TRIM27: variants seen among roughly 807,000 people sequenced by gnomAD.
The protein encoded by TRIM27 is tripartite motif containing 27.
In TRIM27, 12 loss-of-function variants were observed where a neutral mutation model predicts 57.6. The observed-to-expected ratio is 0.21, with a 90% CI of 0.13 to 0.34. The LOEUF is 0.34. Ranked by LOEUF, TRIM27 falls within the 10% of genes least tolerant of loss-of-function variation. The pLI, the probability that TRIM27 is intolerant of heterozygous loss-of-function variation, is 1.00. For missense variants in TRIM27, 403 were observed against 656.8 expected, an observed-to-expected ratio of 0.61 and a Z score of 4.22; for synonymous variants, 266 against 259.0, an observed-to-expected ratio of 1.03 and a Z score of -0.26.
intron 6 of TRIM27, 21 bp downstream of exon 6, chr6:28,908,787 C>G (rs1772963456): frequency 6.2e-7 from 1 of 1,612,698 alleles, no homozygotes; most frequent in African/African-American, 1.3e-5. Flanking sequence ...CATCAAAAGC[C>G]CAGTAGGTAG....
intron 1 of TRIM27, 75 bp from the exon 2 acceptor site, chr6:28,922,062 A>G (rs1774085130): frequency 2.7e-6 from 3 of 1,116,458 alleles, no homozygotes; most frequent in Admixed American, 1.7e-5. Flanking sequence ...CTTATCACAC[A>G]TGGAGTCCAC....
Position 28,923,905 on chromosome 6 carries a change from C to G in TRIM27, c.-273G>C. 1 of 450,838 alleles carries G rather than the reference C, an allele frequency of 2.2e-6. No homozygotes were observed. The highest frequency in any genetic ancestry group is 4.7e-5 in the South Asian group (1 of 21,106). The allele number at this position is 450,838 out of a possible 1,614,324, so 27.9% of individuals were successfully genotyped here. A position where few individuals can be genotyped will look rare whatever the true frequency, so the allele number is the denominator to read the frequency against. ...CGCTAGTGGGGCAGGAAAGGGTAGC[C>G]GAGGGTCAGAGTCCCAGGGCCAGGC... On this transcript the variant is annotated 5_prime_UTR_variant, in exon 1 of 8. Coordinates refer to ENST00000377199, the MANE Select transcript of TRIM27 (RefSeq NM_006510.5).
intron 7 of TRIM27, chr6:28,905,759 T>A (rs1441350812): frequency 6.6e-6 from 1 of 152,258 alleles, no homozygotes; most frequent in Non-Finnish European, 1.5e-5. Context: ...TCTATTCATC[T>A]TCTTCTAATG....
chr6:28,910,550 G>A (rs1158415550), intron 4 of TRIM27, among the ~76,000 whole-genome samples: 7 of 152,132 alleles, frequency 4.6e-5, no homozygotes, highest in Admixed American at 6.5e-5. Flanking sequence ...GGCTGGTCTC[G>A]AACTCCTGAC....
In TRIM27 at chr6:28,904,786, AT is replaced by A; in HGVS notation, c.947-122del. 1 of 669,166 alleles carries A rather than the reference AT, an allele frequency of 1.5e-6. No individual in the cohort carries two copies. Among genetic ancestry groups the A allele is most frequent in the Non-Finnish European group, 2.5e-6 (1 of 403,598 alleles). 41.5% of individuals were successfully genotyped at this position (669,166 alleles called of 1,614,324 possible). Reference sequence around the variant, plus strand: ...TCCCACTGGAGGTTGCACGTATTTTATTTAGAATATATTCTAAACTTCACAT... The same window carrying A: ...TCCCACTGGAGGTTGCACGTATTTTATTAGAATATATTCTAAACTTCACAT... On this transcript the variant is annotated intron_variant, in intron 7 of 7. Coordinates refer to ENST00000377199, the MANE Select transcript of TRIM27 (RefSeq NM_006510.5). This position sits in a 1 kb window ranked among gnomAD's most constrained non-coding sequence, Gnocchi z 6.1.
In TRIM27 at chr6:28,904,307, C is replaced by T. The variant is rs1383579782; in HGVS notation, c.1305G>A (p.Arg435=). ...TALPLRTPLQ[R]VGIFLDYDAG... ...CATCATAGTCCAAGAAAATCCCCACCCGCTGGAGCGGGGTCCGCAGGGGTA... is the reference window on the plus strand; with the variant it reads ...CATCATAGTCCAAGAAAATCCCCACTCGCTGGAGCGGGGTCCGCAGGGGTA... Residue 435 remains arginine, a synonymous_variant, in exon 8 of 8, where the codon CGG becomes CGA. Coordinates refer to ENST00000377199, the MANE Select transcript of TRIM27 (RefSeq NM_006510.5). The surrounding 1 kb of genome is among the most constrained non-coding windows in gnomAD (Gnocchi z 6.1). The T allele has an allele frequency of 1.9e-6, 3 of 1,612,926 alleles. No homozygotes were observed. Among genetic ancestry groups the T allele is most frequent in the Non-Finnish European group, 8.5e-7 (1 of 1,180,008 alleles).
At chr6:28,919,498 T>C (rs1773865832) in intron 3 of TRIM27, among the ~76,000 whole-genome samples, 1 of 152,206 alleles carries the variant, frequency 6.6e-6, no homozygotes, top group Non-Finnish European at 1.5e-5. Context: ...TCATTTCCTG[T>C]AGTCTTGCCG....
intron 3 of TRIM27, among the ~76,000 whole-genome samples, chr6:28,914,439 C>T (rs1773450722): frequency 6.6e-6 from 1 of 151,466 alleles, no homozygotes; most frequent in Admixed American, 6.6e-5. Context: ...CCGGCCTATC[C>T]CATAAAAATA....
At chr6:28,907,963 TTA>T in intron 6 of TRIM27, 1 of 179,818 alleles carries the variant, frequency 5.6e-6, no homozygotes, top group South Asian at 1.8e-4. Context: ...AAATAGAAAA[TTA>T]TCAAAGATTG....
rs1252445115 is a variant in TRIM27, at chr6:28,923,610, T to A, written c.23A>T (p.Glu8Val). The A allele has an allele frequency of 6.3e-7, 1 of 1,593,800 alleles. No individual in the cohort carries two copies. Among genetic ancestry groups the A allele is most frequent in the African/African-American group, 1.3e-5 (1 of 74,538 alleles). Reference protein sequence around the residue: MASGSVAECLQQETTCPV... With the variant: MASGSVAVCLQQETTCPV... ...GCAGGTGGTCTCCTGCTGCAGGCAC[T>A]CGGCCACACTCCCGGAGGCCATGGC... Residue 8 changes from glutamate (E) to valine (V), a missense_variant, in exon 1 of 8, where the codon GAG (glutamate) becomes GTG (valine). Glu to Val is a moderately radical substitution (Grantham distance 121, BLOSUM62 -2). Transcript: ENST00000377199.
chr6:28,923,649 G>A lies in TRIM27; in HGVS notation c.-17C>T. ...GGAGGCCATGGCGCCGGCCTGCGGG[G>A]GCGCACGGGCATGGGCCCCGGCGCC... On this transcript the variant is annotated 5_prime_UTR_variant, in exon 1 of 8. Transcript: ENST00000377199. 3 of 1,539,962 alleles carry A rather than the reference G, an allele frequency of 1.9e-6. No homozygotes were observed. The highest frequency in any genetic ancestry group is 1.2e-5 in the South Asian group (1 of 82,282).
intron 4 of TRIM27, among the ~76,000 whole-genome samples, chr6:28,910,332 C>CT (rs9278121): frequency 4.0e-5 from 6 of 149,834 alleles, no homozygotes; most frequent in African/African-American, 1.2e-4. Flanking sequence ...ACATTTCTTA[C>CT]TTTTTTTTTT....
chr6:28,923,141 A>G, intron 1 of TRIM27, 72 bp downstream of exon 1: 1 of 1,436,472 alleles, frequency 7.0e-7, no homozygotes, highest in African/African-American at 1.4e-5. Context: ...AGGCGGAAAA[A>G]AGGAAGCCCC....
intron 7 of TRIM27, chr6:28,905,391 A>G (rs147231438): frequency 6.6e-6 from 1 of 152,222 alleles, no homozygotes; most frequent in Admixed American, 6.5e-5. Flanking sequence ...TAAAGGCTCT[A>G]AACAGTACCA....
chr6:28,912,472 A>G (rs1352985190), intron 3 of TRIM27, among the ~76,000 whole-genome samples: 2 of 152,016 alleles, frequency 1.3e-5, no homozygotes, highest in East Asian at 3.9e-4. Flanking sequence ...CGCCTGGGCA[A>G]CAAGAGTGAA....
chr6:28,917,800 C>A (rs1773720280), intron 3 of TRIM27, among the ~76,000 whole-genome samples: 3 of 151,698 alleles, frequency 2.0e-5, no homozygotes, highest in Admixed American at 2.0e-4. Context: ...CCGCACATTG[C>A]TGATCAGTAC....
At chr6:28,914,586 G>GA (rs1328722511) in intron 3 of TRIM27, among the ~76,000 whole-genome samples, 1 of 106,970 alleles carries the variant, frequency 9.3e-6, no homozygotes, top group Non-Finnish European at 1.8e-5. Context: ...AAGGGTGGGG[G>GA]GGGGGGGATG....
At chr6:28,920,281 G>C in intron 2 of TRIM27, 39 bp from the exon 3 acceptor site, 1 of 1,528,034 alleles carries the variant, frequency 6.5e-7, no homozygotes. Flanking sequence ...AGAGAAAAAC[G>C]GCTCATTTCT....
chr6:28,909,237 A>AG (rs1773000644), intron 4 of TRIM27, 149 bp from the exon 5 acceptor site: 1 of 619,756 alleles, frequency 1.6e-6, no homozygotes, highest in Admixed American at 2.9e-5. Context: ...CCTCCTGAGT[A>AG]GCTGGGATTA....
Sources: allele counts gnomAD v4.1 joint callset (sites outside exome capture counted in the v4.1 genomes callset), GRCh38; gene constraint gnomAD v4.1.1; non-coding constraint Gnocchi (gnomAD v3.1); transcripts MANE v1.5; gene names NCBI Gene and HGNC (gene_info 2026-07-23, HGNC 2026-07-21).